The following TAFA2 variants were observed in gnomAD, a reference collection of about 807,000 sequenced individuals.
The protein encoded by TAFA2 is chemokine-like protein TAFA-2.
TAFA2 carries 7 observed loss-of-function variants against 18.8 expected under a neutral mutation model. The ratio of observed to expected loss-of-function variants is 0.37; its 90% CI spans 0.21 to 0.70. The LOEUF (loss-of-function observed/expected upper bound fraction) is 0.70. TAFA2 is among the 30% of genes least tolerant of loss of function. TAFA2 has a pLI of 0.53. For missense variants in TAFA2, 122 were observed against 158.1 expected (o/e 0.77, Z 1.23); for synonymous variants, 60 against 54.2 (o/e 1.11, Z -0.47).
intron 1 of TAFA2, among the ~76,000 whole-genome samples, chr12:62,169,161 A>G (rs1385900657): frequency 2.0e-5 from 3 of 152,208 alleles, no homozygotes; most frequent in Non-Finnish European, 2.9e-5. Context: ...TAAATGATAG[A>G]TATCTTGAAC....
chr12:61,946,303 A>T (rs1230390283), intron 1 of TAFA2, among the ~76,000 whole-genome samples: 2 of 150,572 alleles, frequency 1.3e-5, no homozygotes, highest in African/African-American at 4.9e-5. Flanking sequence ...TATAAAAATC[A>T]ATTCAAGATG....
intron 2 of TAFA2, among the ~76,000 whole-genome samples, chr12:61,792,425 G>A (rs183752348): frequency 1.0e-3 from 151 of 151,636 alleles, no homozygotes; most frequent in African/African-American, 3.3e-3. Flanking sequence ...GATGATAAAT[G>A]TTTGAGGTGA....
intron 1 of TAFA2, among the ~76,000 whole-genome samples, chr12:62,037,826 A>G (rs1475285033): frequency 6.6e-6 from 1 of 152,226 alleles, no homozygotes; most frequent in Admixed American, 6.5e-5. Flanking sequence ...CGCCTGACAG[A>G]TGATTTAACA....
chr12:61,778,690 T>C (rs1870378046), intron 2 of TAFA2, among the ~76,000 whole-genome samples: 1 of 151,960 alleles, frequency 6.6e-6, no homozygotes, highest in Non-Finnish European at 1.5e-5. Flanking sequence ...TATGAAGTTA[T>C]GTCGACCTGG....
At chr12:61,962,775 G>T (rs575488663) in intron 1 of TAFA2, among the ~76,000 whole-genome samples, 12 of 151,880 alleles carry the variant, frequency 7.9e-5, no homozygotes, top group Non-Finnish European at 1.6e-4. Context: ...TGTACTTTAA[G>T]TTCTGGGGTA....
chr12:62,199,752 T>C (rs2062663627), intron 1 of TAFA2, among the ~76,000 whole-genome samples: 1 of 152,312 alleles, frequency 6.6e-6, no homozygotes, highest in Non-Finnish European at 1.5e-5. Context: ...ATGATTGATG[T>C]TCCTTTGGGT....
At chr12:61,854,753 T>C (rs2121173658) in intron 2 of TAFA2, among the ~76,000 whole-genome samples, 1 of 152,282 alleles carries the variant, frequency 6.6e-6, no homozygotes, top group East Asian at 1.9e-4. Flanking sequence ...ATCATTTAAA[T>C]ATGAGGGTAT....
intron 4 of TAFA2, among the ~76,000 whole-genome samples, chr12:61,740,225 A>G (rs1197458829): frequency 6.6e-6 from 1 of 152,074 alleles, no homozygotes; most frequent in Non-Finnish European, 1.5e-5. Flanking sequence ...CAGCAAACAC[A>G]GGAACAGAAA....
At chr12:61,985,434 T>C (rs1388858511) in intron 1 of TAFA2, among the ~76,000 whole-genome samples, 1 of 152,206 alleles carries the variant, frequency 6.6e-6, no homozygotes, top group Non-Finnish European at 1.5e-5. Context: ...AGTCTCTTAT[T>C]ATGTAATAAC....
intron 1 of TAFA2, among the ~76,000 whole-genome samples, chr12:61,921,644 TA>T (rs1028980390): frequency 1.3e-5 from 2 of 152,196 alleles, no homozygotes; most frequent in African/African-American, 4.8e-5. Flanking sequence ...AGCTGTCTAT[TA>T]ATTCTGCAAT....
intron 2 of TAFA2, among the ~76,000 whole-genome samples, chr12:61,771,431 C>A (rs1318089358): frequency 1.3e-5 from 2 of 151,954 alleles, no homozygotes; most frequent in Admixed American, 1.3e-4. Context: ...AATATACATT[C>A]TATTCATCAG....
rs7964699 is a variant in TAFA2, at chr12:62,208,296, G to T, written c.-130+50467C>A. Among the ~76,000 whole-genome samples, 1,077 of 152,002 alleles carry T rather than the reference G, an allele frequency of 7.1e-3. 7 individuals carry two copies. Among genetic ancestry groups the T allele is most frequent in the African/African-American group, 0.024 (1,001 of 41,462 alleles). On this transcript the variant is annotated intron_variant, in intron 1 of 5. Coordinates refer to the TAFA2 transcript ENST00000551619. ...ATATGAACCAAGTGGCATCATAAAAGATAGTGGCCTAAGACATTCAGGCAA... is the reference window on the plus strand; with the variant it reads ...ATATGAACCAAGTGGCATCATAAAATATAGTGGCCTAAGACATTCAGGCAA...
intron 1 of TAFA2, among the ~76,000 whole-genome samples, chr12:62,115,590 A>G (rs1300180201): frequency 6.6e-6 from 1 of 152,126 alleles, no homozygotes; most frequent in Non-Finnish European, 1.5e-5. Context: ...TGTGTGATGA[A>G]AATGTCATCT....
chr12:61,983,544 A>G (rs1349143146), intron 1 of TAFA2, among the ~76,000 whole-genome samples: 1 of 152,010 alleles, frequency 6.6e-6, no homozygotes, highest in Non-Finnish European at 1.5e-5. Context: ...AGCAGCTGGG[A>G]CTACAGGCAC....
In TAFA2 at chr12:62,040,494, T is replaced by C. The variant is rs183017943; in HGVS notation, c.-2+150765A>G. 3.3e-5 allele frequency among the ~76,000 whole-genome samples: 5 copies of C among 152,004 alleles called. No homozygotes were observed. In the East Asian group the frequency reaches 9.7e-4, roughly 29 times the overall value. ...AAATTTGGACATAAAGACAGACACA[T>C]GCAAACAGAAGACACACAGGAAGAA... On this transcript the variant is annotated intron_variant, in intron 1 of 4. Transcript: ENST00000416284.
intron 1 of TAFA2, among the ~76,000 whole-genome samples, chr12:62,022,344 C>G (rs1169933229): frequency 6.6e-6 from 1 of 152,022 alleles, no homozygotes. Flanking sequence ...AATGGTGATC[C>G]TAGAAGAAAT....
intron 1 of TAFA2, among the ~76,000 whole-genome samples, chr12:62,016,852 G>A (rs1035253199): frequency 3.3e-5 from 5 of 152,198 alleles, no homozygotes; most frequent in Admixed American, 2.0e-4. Flanking sequence ...CTCATCCTTT[G>A]CCCTTCGAGA....
chr12:62,062,173 A>G (rs1882367387), intron 1 of TAFA2, among the ~76,000 whole-genome samples: 1 of 152,094 alleles, frequency 6.6e-6, no homozygotes, highest in Non-Finnish European at 1.5e-5. Context: ...GACTCTCTCA[A>G]CAAAAAAAAA....
intron 1 of TAFA2, among the ~76,000 whole-genome samples, chr12:62,029,612 T>A (rs574280960): frequency 3.3e-3 from 421 of 126,812 alleles, no homozygotes; most frequent in Non-Finnish European, 3.7e-3. Flanking sequence ...ATTACTTTTT[T>A]AAAAAAGCCA....
Sources: gnomAD v4.1 joint callset for allele counts (sites outside exome capture counted in the v4.1 genomes callset) on GRCh38, gnomAD v4.1.1 for gene constraint, MANE v1.5 for transcripts, NCBI Gene and HGNC (gene_info 2026-07-23, HGNC 2026-07-21) for gene names.